The following GREB1L variants were observed in gnomAD, a reference collection of about 807,000 sequenced individuals.
The protein encoded by GREB1L is GREB1 like retinoic acid receptor coactivator.
GREB1L carries 17 observed loss-of-function variants against 200.8 expected under a neutral mutation model. That is an observed-to-expected ratio of 0.08 (90% CI 0.06 to 0.13). The LOEUF is 0.13. Among genes scored for constraint, GREB1L ranks in the 10% least tolerant of loss-of-function variants. The probability of loss-of-function intolerance (pLI) is 1.00; values close to 1 mark genes in which losing one functional copy is unlikely to be tolerated. For synonymous variants in GREB1L, 789 were observed against 893.0 expected, an observed-to-expected ratio of 0.88 and a Z score of 2.08; for missense variants, 1,657 against 2,367.7, an observed-to-expected ratio of 0.70 and a Z score of 6.23.
intron 18 of GREB1L, among the ~76,000 whole-genome samples, 156 bp downstream of exon 18, chr18:21,485,909 C>T (rs2036109610): frequency 6.6e-6 from 1 of 152,104 alleles, no homozygotes; most frequent in Non-Finnish European, 1.5e-5. Context: ...CTAAGATGCC[C>T]TACTATTGTT....
intron 14 of GREB1L, among the ~76,000 whole-genome samples, chr18:21,452,880 G>T (rs962786259): frequency 6.6e-6 from 1 of 152,174 alleles, no homozygotes; most frequent in Non-Finnish European, 1.5e-5. Context: ...GCTGCTGACA[G>T]CCACTTGGCC....
intron 1 of GREB1L, among the ~76,000 whole-genome samples, chr18:21,283,498 T>C (rs2038305433): frequency 6.6e-6 from 1 of 152,208 alleles, no homozygotes; most frequent in Non-Finnish European, 1.5e-5. Context: ...TATCTCATCA[T>C]TGATTTGGAG....
At chr18:21,464,129 A>C (rs1180321491) in intron 15 of GREB1L, among the ~76,000 whole-genome samples, 1 of 152,232 alleles carries the variant, frequency 6.6e-6, no homozygotes, top group Non-Finnish European at 1.5e-5. Flanking sequence ...GAAGAGTACC[A>C]GTTAATAAAT....
intron 17 of GREB1L, among the ~76,000 whole-genome samples, chr18:21,481,475 G>A (rs201247311): frequency 0.31 from 43,110 of 140,734 alleles, 8,950 homozygotes; most frequent in African/African-American, 0.57. Context: ...GTGTGTGTGT[G>A]TGTATATATA....
intron 15 of GREB1L, among the ~76,000 whole-genome samples, chr18:21,455,320 A>ACG (rs1491394959): frequency 5.4e-3 from 2 of 372 alleles, no homozygotes; most frequent in Non-Finnish European, 0.071. Context: ...GCTGAGGAAA[A>ACG]CACACACACA....
At chr18:21,440,895 T>C (rs291784) in intron 9 of GREB1L, among the ~76,000 whole-genome samples, 36,944 of 152,152 alleles carry the variant, frequency 0.24, 4,798 homozygotes, top group Middle Eastern at 0.31. Flanking sequence ...TATACTGGTT[T>C]TAAGACATAA....
At chr18:21,519,220 G>A (rs1009702712) in intron 31 of GREB1L, among the ~76,000 whole-genome samples, 1 of 152,170 alleles carries the variant, frequency 6.6e-6, no homozygotes, top group African/African-American at 2.4e-5. Flanking sequence ...CCAGCATTTT[G>A]GGAGGCTGAG....
At chr18:21,334,799 T>C (rs1431797363) in intron 1 of GREB1L, among the ~76,000 whole-genome samples, 1 of 152,126 alleles carries the variant, frequency 6.6e-6, no homozygotes, top group African/African-American at 2.4e-5. Context: ...GCCCCATTAT[T>C]ATCCTTTTGT....
intron 1 of GREB1L, among the ~76,000 whole-genome samples, chr18:21,252,473 C>T (rs1567908765): frequency 6.7e-6 from 1 of 150,236 alleles, no homozygotes. Context: ...AACAAAATCG[C>T]TTGAACCAGG....
At chr18:21,429,743 C>G (rs1199687259) in intron 7 of GREB1L, among the ~76,000 whole-genome samples, 1 of 152,070 alleles carries the variant, frequency 6.6e-6, no homozygotes, top group African/African-American at 2.4e-5. Flanking sequence ...CAGAATTTTT[C>G]TCTCTCCTTG....
In GREB1L at chr18:21,451,371, C is replaced by T. The variant is rs1193956150; in HGVS notation, c.1849+220C>T. ...ACTGGATTCAAAAGTCTCAGCTCAG[C>T]CACAACCTTGTTGAGTGACCTTGGG... On this transcript the variant is annotated intron_variant, in intron 13 of 32. Coordinates refer to ENST00000424526, the MANE Select transcript of GREB1L (RefSeq NM_001142966.3). 7.2e-6 allele frequency: 3 copies of T among 417,704 alleles called. No homozygotes were observed. In the East Asian group the frequency reaches 1.2e-4, roughly 17 times the overall value. The allele number at this position is 417,704 out of a possible 1,614,324, so 25.9% of individuals were successfully genotyped here. A position where few individuals can be genotyped will look rare whatever the true frequency, so the allele number is the denominator to read the frequency against.
intron 1 of GREB1L, among the ~76,000 whole-genome samples, chr18:21,353,258 A>G (rs1000293322): frequency 1.3e-5 from 2 of 152,148 alleles, no homozygotes; most frequent in African/African-American, 4.8e-5. Context: ...TTGTAAATAC[A>G]TATCTATGTC....
intron 1 of GREB1L, among the ~76,000 whole-genome samples, chr18:21,341,373 C>A (rs1182725283): frequency 6.6e-6 from 1 of 152,108 alleles, no homozygotes; most frequent in Non-Finnish European, 1.5e-5. Flanking sequence ...CTGCAATCAT[C>A]TTGAAATATG....
intron 7 of GREB1L, among the ~76,000 whole-genome samples, chr18:21,431,579 A>G (rs1388391033): frequency 6.6e-6 from 1 of 152,172 alleles, no homozygotes; most frequent in African/African-American, 2.4e-5. Flanking sequence ...CCTTGAAAAG[A>G]ATGTATATTC....
chr18:21,276,264 TTTTTAAGACCCATTCTCTG>T (rs1439352455), intron 1 of GREB1L, among the ~76,000 whole-genome samples: 1 of 152,172 alleles, frequency 6.6e-6, no homozygotes, highest in Non-Finnish European at 1.5e-5. Flanking sequence ...GGCCTCGGTG[TTTTTAAGACCCATTCTCTG>T]ACCTTCATCA....
chr18:21,375,677 G>C (rs1167071387), intron 2 of GREB1L, among the ~76,000 whole-genome samples: 2 of 152,162 alleles, frequency 1.3e-5, no homozygotes, highest in Non-Finnish European at 2.9e-5. Flanking sequence ...CTGCTTCTGA[G>C]CCAAACTGAT....
In GREB1L at chr18:21,453,364, T is replaced by C. The variant is rs945290569; in HGVS notation, c.1985-1002T>C. Among the ~76,000 whole-genome samples, 6 of 152,214 alleles carry C rather than the reference T, an allele frequency of 3.9e-5. 1 individual carries two copies. Among genetic ancestry groups the C allele is most frequent in the Admixed American group, 3.9e-4 (6 of 15,274 alleles). ...CTGTCAGTATCCATGGTAACTGGGA[T>C]ATGTTGACGGCTGTCTTTGCCTCGG... On this transcript the variant is annotated intron_variant, in intron 14 of 32. Transcript: ENST00000424526.
intron 1 of GREB1L, among the ~76,000 whole-genome samples, chr18:21,244,838 C>T (rs1328353277): frequency 1.3e-5 from 2 of 152,176 alleles, no homozygotes; most frequent in African/African-American, 2.4e-5. Flanking sequence ...AGTGAATTCT[C>T]CTCGCAGCCC....
intron 1 of GREB1L, among the ~76,000 whole-genome samples, chr18:21,360,584 T>C (rs942765506): frequency 3.3e-5 from 5 of 152,234 alleles, no homozygotes; most frequent in Non-Finnish European, 5.9e-5. Context: ...TCTAAACTTA[T>C]GAATTTAGTG....
Sources: allele counts gnomAD v4.1 joint callset (sites outside exome capture counted in the v4.1 genomes callset), GRCh38; gene constraint gnomAD v4.1.1; transcripts MANE v1.5; gene names NCBI Gene and HGNC (gene_info 2026-07-23, HGNC 2026-07-21).